Variants in CLSTN2 observed in about 807,000 individuals in gnomAD.
CLSTN2 encodes calsyntenin-2.
CLSTN2 carries 48 observed loss-of-function variants against 101.2 expected under a neutral mutation model. The observed-to-expected ratio is 0.47, with a 90% confidence interval of 0.38 to 0.60. The LOEUF (loss-of-function observed/expected upper bound fraction) is 0.60. Among genes scored for constraint, CLSTN2 ranks in the 20% least tolerant of loss-of-function variants. CLSTN2 has a pLI of 0.00. For missense variants in CLSTN2, 1,160 were observed against 1,238.2 expected, an observed-to-expected ratio of 0.94 and a Z score of 0.95; for synonymous variants, 481 against 463.6, an observed-to-expected ratio of 1.04 and a Z score of -0.48.
intron 1 of CLSTN2, among the ~76,000 whole-genome samples, chr3:140,127,923 C>G (rs1241962185): frequency 6.6e-6 from 1 of 152,254 alleles, no homozygotes; most frequent in African/African-American, 2.4e-5. Flanking sequence ...ACTTGTAAAT[C>G]TAAGTGCCAT....
At chr3:140,469,342 C>A (rs889573311) in intron 8 of CLSTN2, among the ~76,000 whole-genome samples, 5 of 152,296 alleles carry the variant, frequency 3.3e-5, no homozygotes, top group African/African-American at 7.2e-5. Context: ...TGAAGGGAAC[C>A]ACAGTGAGTA....
intron 2 of CLSTN2, among the ~76,000 whole-genome samples, chr3:140,328,941 A>G (rs2087356269): frequency 1.3e-5 from 2 of 152,324 alleles, no homozygotes; most frequent in African/African-American, 4.8e-5. Context: ...GTCAAAAATA[A>G]AAACAAAAGC....
At chr3:140,372,184 C>T (rs142204803) in intron 2 of CLSTN2, among the ~76,000 whole-genome samples, 160 of 152,242 alleles carry the variant, frequency 1.1e-3, no homozygotes, top group Admixed American at 2.2e-3. Flanking sequence ...TCGTAGTATC[C>T]GGGATGAAAT....
Position 140,194,138 on chromosome 3 carries a change from A to G in CLSTN2, c.232+18065A>G, listed in dbSNP as rs530962856. Reference sequence around the variant, plus strand: ...CTTAGTCCATTTAGGGTGCTAGAACAGAATACCATACCCTAGGTGGCTAAT... The same window carrying G: ...CTTAGTCCATTTAGGGTGCTAGAACGGAATACCATACCCTAGGTGGCTAAT... On this transcript the variant is annotated intron_variant, in intron 2 of 16. Transcript: ENST00000458420. Among the ~76,000 whole-genome samples the G allele has an allele frequency of 3.9e-5, 6 of 152,314 alleles. No homozygotes were observed. In the South Asian group the frequency reaches 1.2e-3, roughly 32 times the overall value.
At chr3:140,268,782 A>G (rs527798556) in intron 2 of CLSTN2, among the ~76,000 whole-genome samples, 1 of 152,230 alleles carries the variant, frequency 6.6e-6, no homozygotes, top group South Asian at 2.1e-4. Context: ...GCAGTATATA[A>G]TCTGTGTCCT....
At chr3:140,482,928 T>C (rs1028559050) in intron 8 of CLSTN2, among the ~76,000 whole-genome samples, 1 of 152,096 alleles carries the variant, frequency 6.6e-6, no homozygotes, top group Non-Finnish European at 1.5e-5. Context: ...AGAGTCTTTT[T>C]TGTCTCTATT....
At chr3:140,485,047 A>T (rs1389848149) in intron 8 of CLSTN2, among the ~76,000 whole-genome samples, 1 of 151,862 alleles carries the variant, frequency 6.6e-6, no homozygotes, top group Non-Finnish European at 1.5e-5. Flanking sequence ...TGATTTTTAG[A>T]GTTTCCAGTT....
intron 1 of CLSTN2, among the ~76,000 whole-genome samples, chr3:140,070,358 A>T (rs143210682): frequency 6.6e-6 from 1 of 152,364 alleles, no homozygotes; most frequent in African/African-American, 2.4e-5. Context: ...AACCTCATGG[A>T]GGTCTACAGA....
rs543040981 is a variant in CLSTN2, at chr3:140,232,678, A to G, written c.232+56605A>G. 4.6e-5 allele frequency among the ~76,000 whole-genome samples: 7 copies of G among 152,266 alleles called. No homozygotes were observed. In the East Asian group the frequency reaches 1.2e-3, roughly 25 times the overall value. ...AGTCAGCATGTCTAAGACTGAACTT[A>G]TTACTTGTCCTCCAAACATTACCCC... On this transcript the variant is annotated intron_variant, in intron 2 of 16. Coordinates refer to ENST00000458420, the MANE Select transcript of CLSTN2 (RefSeq NM_022131.3).
rs1468941731 is a variant in CLSTN2, at chr3:139,973,202, C to A, written c.109+37719C>A. 2.0e-5 allele frequency among the ~76,000 whole-genome samples: 3 copies of A among 152,202 alleles called. No homozygotes were observed. The South Asian group carries it at 6.2e-4, about 31-fold the overall frequency. On this transcript the variant is annotated intron_variant, in intron 1 of 16. Transcript: ENST00000458420. ...TGGCAGGAGCGTGATCTGCCATGAACCATCCCCACATTTCTGTGAGGTTTC... is the reference window on the plus strand; with the variant it reads ...TGGCAGGAGCGTGATCTGCCATGAAACATCCCCACATTTCTGTGAGGTTTC...
chr3:140,045,323 TAC>T (rs1374761217), intron 1 of CLSTN2, among the ~76,000 whole-genome samples: 7 of 152,330 alleles, frequency 4.6e-5, no homozygotes, highest in African/African-American at 1.7e-4. Context: ...TGCATGGAGG[TAC>T]CATTCTCTGA....
At chr3:140,508,743 C>G (rs962653563) in intron 8 of CLSTN2, 1 of 151,924 alleles carries the variant, frequency 6.6e-6, no homozygotes, top group African/African-American at 2.4e-5. Context: ...CAGGCTGTGC[C>G]TCTGCAGCTC....
chr3:140,113,660 C>A (rs2009192127), intron 1 of CLSTN2, among the ~76,000 whole-genome samples: 1 of 152,212 alleles, frequency 6.6e-6, no homozygotes, highest in African/African-American at 2.4e-5. Flanking sequence ...TGGGAAGCAT[C>A]TTACTTACCT....
At chr3:139,955,248 G>A (rs1335116407) in intron 1 of CLSTN2, among the ~76,000 whole-genome samples, 1 of 150,916 alleles carries the variant, frequency 6.6e-6, no homozygotes, top group Admixed American at 6.6e-5. Flanking sequence ...TCCTCACAAT[G>A]CCACTGAGAA....
At chr3:140,225,704 G>A (rs2107856026) in intron 2 of CLSTN2, among the ~76,000 whole-genome samples, 1 of 152,102 alleles carries the variant, frequency 6.6e-6, no homozygotes, top group East Asian at 1.9e-4. Flanking sequence ...CACCATGTTG[G>A]CAAGGATGTA....
Position 140,577,026 on chromosome 3 carries a change from C to G in CLSTN2, c.*10773C>G, listed in dbSNP as rs1360424593. On this transcript the variant is annotated 3_prime_UTR_variant, in exon 17 of 17. Coordinates refer to ENST00000458420, the MANE Select transcript of CLSTN2 (RefSeq NM_022131.3). Reference sequence around the variant, plus strand: ...CAGAGAAAATGTCCTTTCCCCTCCCCACTCCTTTTCATAGAATCCTCTCTC... The same window carrying G: ...CAGAGAAAATGTCCTTTCCCCTCCCGACTCCTTTTCATAGAATCCTCTCTC... The G allele has an allele frequency of 6.6e-6, 1 of 152,144 alleles. No homozygotes were observed. Among genetic ancestry groups the G allele is most frequent in the Non-Finnish European group, 1.5e-5 (1 of 68,028 alleles). The allele number at this position is 152,144 out of a possible 1,614,324, so 9.4% of individuals were successfully genotyped here.
chr3:140,452,855 C>G (rs1177648328), intron 6 of CLSTN2, among the ~76,000 whole-genome samples: 1 of 152,206 alleles, frequency 6.6e-6, no homozygotes, highest in Non-Finnish European at 1.5e-5. Flanking sequence ...TGGCCCCCAC[C>G]TTCCTTTGCT....
chr3:140,367,698 A>G (rs572115184), intron 2 of CLSTN2, among the ~76,000 whole-genome samples: 2 of 152,310 alleles, frequency 1.3e-5, no homozygotes, highest in African/African-American at 4.8e-5. Context: ...AGCATTTTTA[A>G]TACACGAGGT....
intron 1 of CLSTN2, among the ~76,000 whole-genome samples, chr3:140,061,430 G>A (rs567135536): frequency 6.6e-6 from 1 of 152,266 alleles, no homozygotes; most frequent in Admixed American, 6.5e-5. Context: ...TCTAGGAAGA[G>A]GATCTCTCTG....
Sources: gnomAD v4.1 joint callset for allele counts (sites outside exome capture counted in the v4.1 genomes callset) on GRCh38, gnomAD v4.1.1 for gene constraint, MANE v1.5 for transcripts, NCBI Gene and HGNC (gene_info 2026-07-23, HGNC 2026-07-21) for gene names.